Variants in ARID3A observed in about 807,000 individuals in gnomAD.
The protein encoded by ARID3A is AT-rich interaction domain 3A, also known as AT-rich interactive domain-containing protein 3A.
Under a neutral mutation model 52.7 loss-of-function variants are expected in ARID3A, and 11 were observed. The observed-to-expected ratio is 0.21, with a 90% CI of 0.13 to 0.35. The LOEUF (loss-of-function observed/expected upper bound fraction) is 0.35, where lower values mean the gene tolerates loss of function less well. Ranked by LOEUF, ARID3A falls within the 10% of genes least tolerant of loss-of-function variation. The pLI, the probability that ARID3A is intolerant of heterozygous loss-of-function variation, is 1.00. For missense variants in ARID3A, 721 were observed against 838.5 expected, an observed-to-expected ratio of 0.86 and a Z score of 1.73; for synonymous variants, 404 against 359.4, an observed-to-expected ratio of 1.12 and a Z score of -1.40.
rs775338115 is a variant in ARID3A at position 973,104 on chromosome 19, A to ATCTTTTTTTTTTTTT, written c.*1040_*1041insCTTTTTTTTTTTTTT. ...GGGCTCTCGAGTCAGGGGCCTGGAA[A>ATCTTTTTTTTTTTTT]TTTTTTTTTTTTTTTTTTTTTGAGA... On this transcript the variant is annotated 3_prime_UTR_variant, in exon 9 of 9. Transcript: ENST00000263620. The ATCTTTTTTTTTTTTT allele has an allele frequency of 2.6e-3, 140 of 53,670 alleles. 12 individuals are homozygous for ATCTTTTTTTTTTTTT. The highest frequency in any genetic ancestry group is 6.2e-3 in the African/African-American group (89 of 14,256). 3.3% of individuals were successfully genotyped at this position (53,670 alleles called of 1,614,324 possible).
chr19:968,278 GA>G, intron 7 of ARID3A, 126 bp from the exon 8 acceptor site: 1 of 696,940 alleles, frequency 1.4e-6, no homozygotes. Flanking sequence ...AGAATGGCGT[GA>G]ACCCAGGAGG....
chr19:929,995 A>C lies in ARID3A; in HGVS notation c.368+99A>C, dbSNP rs947064069. The C allele has an allele frequency of 6.8e-7, 1 of 1,464,466 alleles. No homozygotes were observed. Among genetic ancestry groups the C allele is most frequent in the Non-Finnish European group, 9.1e-7 (1 of 1,101,222 alleles). The allele number at this position is 1,464,466 out of a possible 1,614,324, so 90.7% of individuals were successfully genotyped here. ...ATGGGAGTAAGGGTCAGGTCGCGGG[A>C]TCTCCTTCCTGTAATTCCAGCAGTT... On this transcript the variant is annotated intron_variant, in intron 2 of 8. Transcript: ENST00000263620. The surrounding 1 kb of genome is among the most constrained non-coding windows in gnomAD (Gnocchi z 6.2).
Position 938,463 on chromosome 19 carries a change from G to T in ARID3A, c.693+5721G>T, listed in dbSNP as rs1175697360. On this transcript the variant is annotated intron_variant, in intron 3 of 8. Coordinates refer to ENST00000263620, the MANE Select transcript of ARID3A (RefSeq NM_005224.3). The surrounding 1 kb of genome is among the most constrained non-coding windows in gnomAD (Gnocchi z 4.0). The stretch of plus-strand genomic sequence containing the variant: ...GTGATCACATGACTTGTGCACAGTC[G>T]CCCGGGGGACGTGTCAGAGCTGGAA... 6.6e-6 allele frequency among the ~76,000 whole-genome samples: 1 copy of T among 152,194 alleles called. No homozygotes were observed.
intron 4 of ARID3A, among the ~76,000 whole-genome samples, chr19:961,247 C>T (rs1176457620): frequency 6.6e-6 from 1 of 152,146 alleles, no homozygotes; most frequent in East Asian, 1.9e-4. Context: ...CCACCCCTCC[C>T]CTGGCTTCTA....
At chr19:953,787 G>T (rs182483235) in intron 3 of ARID3A, among the ~76,000 whole-genome samples, 140 of 152,198 alleles carry the variant, frequency 9.2e-4, no homozygotes, top group Admixed American at 1.6e-3. Flanking sequence ...ATAGAAAGAC[G>T]CCAAGGCTGG....
intron 2 of ARID3A, among the ~76,000 whole-genome samples, chr19:930,368 A>G (rs367827754): frequency 6.6e-6 from 1 of 151,538 alleles, no homozygotes; most frequent in African/African-American, 2.4e-5. Context: ...CCCGGCCAAC[A>G]TGGCGAAACC....
chr19:932,853 AG>A lies in ARID3A; in HGVS notation c.693+112del, dbSNP rs755159054. The A allele has an allele frequency of 1.3e-4, 197 of 1,485,382 alleles. No homozygotes were observed. In the Middle Eastern group the frequency reaches 4.3e-3, roughly 32 times the overall value. The allele number at this position is 1,485,382 out of a possible 1,614,324, so 92.0% of individuals were successfully genotyped here. ...GTGCTGAGCCGGGCGTCGAGTTGAG[AG>A]CTGGGGGTTCCTGCGGTAGCTGTGC... On this transcript the variant is annotated intron_variant, in intron 3 of 8. Transcript: ENST00000263620.
chr19:941,374 C>T lies in ARID3A; in HGVS notation c.693+8632C>T, dbSNP rs1228055339. On this transcript the variant is annotated intron_variant, in intron 3 of 8. Coordinates refer to ENST00000263620, the MANE Select transcript of ARID3A (RefSeq NM_005224.3). This position sits in a 1 kb window ranked among gnomAD's most constrained non-coding sequence, Gnocchi z 6.9. ...TCCAAGGCCTCTGCCCACCGGGCAC[C>T]TGCTGGATTCTGTGGGTCTCGTGTG... is the stretch of plus-strand genomic sequence containing the variant. Among the ~76,000 whole-genome samples the T allele has an allele frequency of 6.6e-6, 1 of 152,246 alleles. No homozygotes were observed. The highest frequency in any genetic ancestry group is 1.5e-5 in the Non-Finnish European group (1 of 68,042).
intron 3 of ARID3A, among the ~76,000 whole-genome samples, chr19:954,459 G>T (rs1464553140): frequency 3.9e-5 from 6 of 152,274 alleles, no homozygotes; most frequent in Admixed American, 3.9e-4. Context: ...CACTGAGAAA[G>T]CAAGTTCATT....
At chr19:945,739 G>C (rs2037663839) in intron 3 of ARID3A, among the ~76,000 whole-genome samples, 1 of 152,198 alleles carries the variant, frequency 6.6e-6, no homozygotes. Flanking sequence ...GTGTCCCATT[G>C]TGGGGACGGC....
In ARID3A at chr19:929,657, C is replaced by G. The variant is rs749047092; in HGVS notation, c.129C>G (p.Pro43=). ...CCCCCGGCCGGGCCCGGGCTGCCCC[C>G]GACGAGGACAGAGAGCCCGAGAGTG... ...AAPPGRARAA[P]DEDREPESAR... is the part of the protein sequence containing the mutation. The change falls in exon 2 of 9, where the codon CCC becomes CCG. Residue 43 remains proline (P), a synonymous_variant. Coordinates refer to ENST00000263620, the MANE Select transcript of ARID3A (RefSeq NM_005224.3). This position sits in a 1 kb window ranked among gnomAD's most constrained non-coding sequence, Gnocchi z 6.2. 6.5e-7 allele frequency: 1 copy of G among 1,542,522 alleles called. No homozygotes were observed. The highest frequency in any genetic ancestry group is 8.7e-7 in the Non-Finnish European group (1 of 1,151,754).
Position 975,556 on chromosome 19 carries a change from C to A in ARID3A, c.*3491C>A, listed in dbSNP as rs1175062674. Reference sequence around the variant, plus strand: ...TTCAGTTTCTCTGGAGTTTGTCAGACGGCGTGGGAACCACGCCTGAAACTC... The same window carrying A: ...TTCAGTTTCTCTGGAGTTTGTCAGAAGGCGTGGGAACCACGCCTGAAACTC... On this transcript the variant is annotated 3_prime_UTR_variant, in exon 9 of 9. Transcript: ENST00000263620. 3.4e-5 allele frequency: 7 copies of A among 204,450 alleles called. No individual in the cohort carries two copies. Among genetic ancestry groups the A allele is most frequent in the Admixed American group, 1.2e-4 (2 of 16,716 alleles). 12.7% of individuals were successfully genotyped at this position (204,450 alleles called of 1,614,324 possible).
chr19:963,334 A>AGAACATGGGGTGGGG (rs1568371214), intron 4 of ARID3A, among the ~76,000 whole-genome samples: 4 of 152,222 alleles, frequency 2.6e-5, no homozygotes, highest in African/African-American at 9.6e-5. Flanking sequence ...GACCCCACGT[A>AGAACATGGGGTGGGG]GGCAGAACAT....
At chr19:970,866 C>T (rs1287376454) in intron 8 of ARID3A, among the ~76,000 whole-genome samples, 1 of 152,068 alleles carries the variant, frequency 6.6e-6, no homozygotes, top group Non-Finnish European at 1.5e-5. Context: ...TTGTTGCAGG[C>T]CCCCGCCCGG....
rs1395621446 is a variant in ARID3A, at chr19:942,915, GGTCTCTGAAGATGTTA to G, written c.693+10176_693+10191del. Among the ~76,000 whole-genome samples, 1 of 152,128 alleles carries G rather than the reference GGTCTCTGAAGATGTTA, an allele frequency of 6.6e-6. No individual in the cohort carries two copies. Among genetic ancestry groups the G allele is most frequent in the African/African-American group, 2.4e-5 (1 of 41,426 alleles). Reference sequence around the variant, plus strand: ...AAGATGGGACTGCATTTGGAAATAGGGTCTCTGAAGATGTTAGTTTCAGTGAGGTCCTGCAGCGTAC... The same window carrying G: ...AAGATGGGACTGCATTTGGAAATAGGGTTTCAGTGAGGTCCTGCAGCGTAC... On this transcript the variant is annotated intron_variant, in intron 3 of 8. Coordinates refer to ENST00000263620, the MANE Select transcript of ARID3A (RefSeq NM_005224.3). This position sits in a 1 kb window ranked among gnomAD's most constrained non-coding sequence, Gnocchi z 8.1.
At chr19:949,151 T>C (rs1199633892) in intron 3 of ARID3A, among the ~76,000 whole-genome samples, 1 of 152,148 alleles carries the variant, frequency 6.6e-6, no homozygotes, top group Non-Finnish European at 1.5e-5. Context: ...CAGAGAGGTG[T>C]GGACCCCTCC....
rs2037583505 is a variant in ARID3A at position 942,736 on chromosome 19, C to A, written c.693+9994C>A. On this transcript the variant is annotated intron_variant, in intron 3 of 8. Coordinates refer to ENST00000263620, the MANE Select transcript of ARID3A (RefSeq NM_005224.3). This position sits in a 1 kb window ranked among gnomAD's most constrained non-coding sequence, Gnocchi z 8.1. The stretch of plus-strand genomic sequence containing the variant: ...GGACCCAGGCCCCATGTCCAGAAGC[C>A]ACGCTGGACATAGTGCCCAGATTCC... Among the ~76,000 whole-genome samples, 1 of 152,176 alleles carries A rather than the reference C, an allele frequency of 6.6e-6. No homozygotes were observed. The highest frequency in any genetic ancestry group is 1.5e-5 in the Non-Finnish European group (1 of 68,018).
chr19:942,533 C>T lies in ARID3A; in HGVS notation c.693+9791C>T, dbSNP rs192693228. The stretch of plus-strand genomic sequence containing the variant: ...GACAATTGGGGGTCACAGGGTTAAA[C>T]GCTGACTAATCTGGCCATTGAAGGC... On this transcript the variant is annotated intron_variant, in intron 3 of 8. Transcript: ENST00000263620. This position sits in a 1 kb window ranked among gnomAD's most constrained non-coding sequence, Gnocchi z 8.1. Among the ~76,000 whole-genome samples the T allele has an allele frequency of 3.0e-4, 45 of 152,346 alleles. No individual in the cohort carries two copies. Among genetic ancestry groups the T allele is most frequent in the Admixed American group, 2.3e-3 (35 of 15,306 alleles).
intron 1 of ARID3A, chr19:928,259 T>C (rs2037242120): frequency 6.6e-6 from 1 of 152,020 alleles, no homozygotes; most frequent in African/African-American, 2.4e-5. Flanking sequence ...TCCAGGCCTG[T>C]TGGGTTCTGC....
Sources: gnomAD v4.1 joint callset for allele counts (sites outside exome capture counted in the v4.1 genomes callset) on GRCh38, gnomAD v4.1.1 for gene constraint, Gnocchi (gnomAD v3.1) non-coding constraint, MANE v1.5 for transcripts, NCBI Gene and HGNC (gene_info 2026-07-23, HGNC 2026-07-21) for gene names.